The following CFAP45 variants were observed in gnomAD, a reference collection of about 807,000 sequenced individuals.
The protein encoded by CFAP45 is cilia- and flagella-associated protein 45.
In CFAP45, 43 loss-of-function variants were observed where a neutral mutation model predicts 75.6. The ratio of observed to expected loss-of-function variants is 0.57; its 90% CI spans 0.45 to 0.73. CFAP45 has a LOEUF of 0.73. Ranked by LOEUF, CFAP45 falls within the 30% of genes least tolerant of loss-of-function variation. The pLI, the probability that CFAP45 is intolerant of heterozygous loss-of-function variation, is 0.00. For missense variants in CFAP45, 689 were observed against 701.5 expected (o/e 0.98, Z 0.20); for synonymous variants, 223 against 244.6 (o/e 0.91, Z 0.82).
chr1:159,896,651 A>G (rs1349222727), intron 1 of CFAP45, among the ~76,000 whole-genome samples: 1 of 152,222 alleles, frequency 6.6e-6, no homozygotes, highest in African/African-American at 2.4e-5. Flanking sequence ...GGAGAAGCAC[A>G]TCCAGTCCTG....
intron 7 of CFAP45, 101 bp from the exon 8 acceptor site, chr1:159,880,801 C>T: frequency 9.3e-7 from 1 of 1,075,804 alleles, no homozygotes; most frequent in Non-Finnish European, 1.4e-6. Context: ...GGGGCAAATG[C>T]ATTGCCTGCA....
At chr1:159,879,556 T>A (rs16842777) in intron 8 of CFAP45, among the ~76,000 whole-genome samples, 15,559 of 152,226 alleles carry the variant, frequency 0.1, 1,092 homozygotes, top group African/African-American at 0.19. Flanking sequence ...AGTTATGTGA[T>A]TGTTATTATG....
chr1:159,872,500 A>T lies in CFAP45; in HGVS notation c.1641T>A (p.Ala547=), dbSNP rs1404226463. 1 of 1,614,134 alleles carries T rather than the reference A, an allele frequency of 6.2e-7. No individual in the cohort carries two copies. The highest frequency in any genetic ancestry group is 1.1e-5 in the South Asian group (1 of 91,084). ...EAERKANILP[A]TSVN ...AAGGCTCCCCTCAGTTCACAGAGGT[A>T]GCTGGCAGGATGTTAGCTTTGCGCT... Residue 547 remains alanine (A), a synonymous_variant, in exon 12 of 12, where the codon GCT becomes GCA. Transcript: ENST00000368099.
intron 1 of CFAP45, among the ~76,000 whole-genome samples, chr1:159,896,760 G>A (rs1649960782): frequency 6.6e-6 from 1 of 152,130 alleles, no homozygotes; most frequent in Non-Finnish European, 1.5e-5. Flanking sequence ...GCCCTGCTTT[G>A]ATATTTTCGT....
At chr1:159,889,599 C>T (rs1302438422) in intron 3 of CFAP45, among the ~76,000 whole-genome samples, 1 of 152,208 alleles carries the variant, frequency 6.6e-6, no homozygotes, top group Non-Finnish European at 1.5e-5. Flanking sequence ...ACTTGTCCTC[C>T]AACGTGTTTT....
At chr1:159,893,384 C>T (rs563923181) in intron 1 of CFAP45, 79 bp from the exon 2 acceptor site, 1 of 1,415,978 alleles carries the variant, frequency 7.1e-7, no homozygotes, top group South Asian at 1.2e-5. Flanking sequence ...TTCACCAGCC[C>T]ATGCTGGGGG....
At chr1:159,888,527 G>A in intron 3 of CFAP45, 31 bp from the exon 4 acceptor site, 1 of 1,608,514 alleles carries the variant, frequency 6.2e-7, no homozygotes, top group Non-Finnish European at 8.5e-7. Context: ...GTTAGGGAGG[G>A]GAGAGGGAAA....
At chr1:159,875,203 T>C (rs1649370952) in intron 10 of CFAP45, among the ~76,000 whole-genome samples, 1 of 152,256 alleles carries the variant, frequency 6.6e-6, no homozygotes, top group African/African-American at 2.4e-5. Context: ...AAAGTAGGAC[T>C]TAAATTTCAT....
In CFAP45 at chr1:159,873,169, C is replaced by G; in HGVS notation, c.1353-1G>C. 1 of 1,613,040 alleles carries G rather than the reference C, an allele frequency of 6.2e-7. No homozygotes were observed. Among genetic ancestry groups the G allele is most frequent in the Non-Finnish European group, 8.5e-7 (1 of 1,179,604 alleles). ...CTTCTCAATCTGTTCTCTCTGAGCC[C>G]TGGGGGAGGGAAACAGGAATGGAAT... On this transcript the variant is annotated splice_acceptor_variant, in intron 10 of 11. Transcript: ENST00000368099. LOFTEE classifies it high-confidence loss of function.
chr1:159,873,534 T>A, intron 10 of CFAP45: 1 of 246,386 alleles, frequency 4.1e-6, no homozygotes, highest in Non-Finnish European at 8.0e-6. Context: ...GCAGTGGTGC[T>A]ATCATAGCTC....
intron 2 of CFAP45, among the ~76,000 whole-genome samples, chr1:159,891,223 A>G (rs1350200400): frequency 1.3e-5 from 2 of 152,246 alleles, no homozygotes; most frequent in Non-Finnish European, 2.9e-5. Flanking sequence ...TCTCTCCATG[A>G]AAGATTTTCC....
In CFAP45 at chr1:159,888,496, ACT is replaced by A; in HGVS notation, c.273-2_273-1del. On this transcript the variant is annotated splice_acceptor_variant, in intron 3 of 11. Coordinates refer to ENST00000368099, the MANE Select transcript of CFAP45 (RefSeq NM_012337.3). LOFTEE classifies it high-confidence loss of function. Reference sequence around the variant, plus strand: ...CCCCGGAGGGATCCTCTGTGGGAACACTGTCACAAGAATAAACAGAGTTAGGG... The same window carrying A: ...CCCCGGAGGGATCCTCTGTGGGAACAGTCACAAGAATAAACAGAGTTAGGG... The A allele has an allele frequency of 6.2e-7, 1 of 1,613,770 alleles. No individual in the cohort carries two copies. The highest frequency in any genetic ancestry group is 8.5e-7 in the Non-Finnish European group (1 of 1,179,784).
At chr1:159,874,071 T>C (rs1370435808) in intron 10 of CFAP45, among the ~76,000 whole-genome samples, 2 of 152,038 alleles carry the variant, frequency 1.3e-5, no homozygotes, top group Non-Finnish European at 2.9e-5. Flanking sequence ...GACCCTGACA[T>C]CAGGGAGAAA....
At chr1:159,884,620 A>C (rs1333757954) in intron 6 of CFAP45, 55 bp from the exon 7 acceptor site, 3 of 1,562,274 alleles carry the variant, frequency 1.9e-6, no homozygotes, top group Non-Finnish European at 2.6e-6. Context: ...CATCTCCCAG[A>C]GTCCAACCTC....
chr1:159,874,629 T>C (rs1407434297), intron 10 of CFAP45, among the ~76,000 whole-genome samples: 1 of 152,190 alleles, frequency 6.6e-6, no homozygotes, highest in Non-Finnish European at 1.5e-5. Context: ...CTTGTATGTG[T>C]CACTAGAGAG....
chr1:159,882,195 C>T (rs547684690), intron 7 of CFAP45, among the ~76,000 whole-genome samples: 2 of 152,290 alleles, frequency 1.3e-5, no homozygotes, highest in South Asian at 2.1e-4. Flanking sequence ...TCTTTGCTCA[C>T]TCCACTTTTC....
chr1:159,895,789 G>T (rs137987167), intron 1 of CFAP45, among the ~76,000 whole-genome samples: 1 of 152,244 alleles, frequency 6.6e-6, no homozygotes, highest in African/African-American at 2.4e-5. Flanking sequence ...AACTTCAGTA[G>T]GTGGGATTGA....
intron 6 of CFAP45, among the ~76,000 whole-genome samples, chr1:159,885,112 G>A (rs1649647157): frequency 6.6e-6 from 1 of 152,190 alleles, no homozygotes; most frequent in Admixed American, 6.5e-5. Context: ...GAATTGAGGG[G>A]AAAGAGTATG....
intron 1 of CFAP45, 81 bp downstream of exon 1, chr1:159,900,015 C>CT: frequency 1.3e-6 from 2 of 1,550,424 alleles, no homozygotes; most frequent in Non-Finnish European, 1.8e-6. Flanking sequence ...CAACTGTGAC[C>CT]TCCCCTAGGC....
Sources: allele counts gnomAD v4.1 joint callset (sites outside exome capture counted in the v4.1 genomes callset), GRCh38; gene constraint gnomAD v4.1.1; transcripts MANE v1.5; gene names NCBI Gene and HGNC (gene_info 2026-07-23, HGNC 2026-07-21).